NOS1: variants seen among roughly 807,000 people sequenced by gnomAD.
NOS1 encodes nitric oxide synthase 1, also known as NOS type I.
Under a neutral mutation model 164.5 loss-of-function variants are expected in NOS1, and 51 were observed. That is an observed-to-expected ratio of 0.31 (90% CI 0.25 to 0.39). The LOEUF is 0.39. NOS1 is among the 10% of genes least tolerant of loss of function. NOS1 has a pLI of 1.00. For missense variants in NOS1, 1,362 were observed against 1,885.6 expected (o/e 0.72, Z 5.14); for synonymous variants, 719 against 745.8 (o/e 0.96, Z 0.59).
At chr12:117,251,611 T>C (rs543065150) in intron 17 of NOS1, among the ~76,000 whole-genome samples, 1 of 130,450 alleles carries the variant, frequency 7.7e-6, no homozygotes, top group South Asian at 2.4e-4. Context: ...TTTTTTTTTT[T>C]GTAGACACAG....
At chr12:117,281,079 G>C (rs977284343) in intron 7 of NOS1, among the ~76,000 whole-genome samples, 8 of 152,150 alleles carry the variant, frequency 5.3e-5, no homozygotes, top group Non-Finnish European at 1.2e-4. Context: ...AACGGTGGAG[G>C]GGGTGGGAGC....
intron 25 of NOS1, among the ~76,000 whole-genome samples, chr12:117,223,354 C>A (rs946463473): frequency 1.3e-5 from 2 of 151,602 alleles, no homozygotes; most frequent in African/African-American, 4.9e-5. Context: ...CTCCACCTCC[C>A]GGGTTCAATC....
rs771260551 is a variant in NOS1, at chr12:117,259,038, A to G, written c.2460T>C (p.Pro820=). The G allele has an allele frequency of 2.5e-6, 4 of 1,612,924 alleles. No individual in the cohort carries two copies. The highest frequency in any genetic ancestry group is 3.4e-6 in the Non-Finnish European group (4 of 1,178,944). Residue 820 remains proline, a synonymous_variant, in exon 15 of 29, where the codon CCT becomes CCC. Coordinates refer to ENST00000317775, the MANE Select transcript of NOS1 (RefSeq NM_000620.5). ...AAGCTCATCTCACCTCCCCATTCTCAGGGGGATCTCCATTGCCAAAGGTGC... is the reference window on the plus strand; with the variant it reads ...AAGCTCATCTCACCTCCCCATTCTCGGGGGGATCTCCATTGCCAAAGGTGC... The part of the protein sequence containing the change: ...VTSTFGNGDP[P]ENGEKFGCAL...
intron 10 of NOS1, among the ~76,000 whole-genome samples, chr12:117,268,570 T>G: frequency 6.9e-6 from 1 of 144,566 alleles, no homozygotes; most frequent in East Asian, 2.1e-4. Flanking sequence ...ATTCACAGAC[T>G]AATGAACTCA....
At chr12:117,333,037 G>A (rs923062301) in intron 1 of NOS1, among the ~76,000 whole-genome samples, 14 of 152,210 alleles carry the variant, frequency 9.2e-5, no homozygotes, top group African/African-American at 3.4e-4. Flanking sequence ...TGTGGCCCAG[G>A]TGAGGGGCAA....
chr12:117,359,634 C>T (rs529589698), intron 1 of NOS1, among the ~76,000 whole-genome samples: 9 of 152,088 alleles, frequency 5.9e-5, no homozygotes, highest in African/African-American at 1.7e-4. Context: ...ACCCTCCCTC[C>T]GTGGTGGCTG....
intron 20 of NOS1, among the ~76,000 whole-genome samples, chr12:117,237,468 G>C (rs144185961): frequency 6.6e-6 from 1 of 151,896 alleles, no homozygotes; most frequent in East Asian, 1.9e-4. Context: ...GACACATATG[G>C]GCCATATGAG....
At chr12:117,254,063 C>T (rs1315412574) in intron 16 of NOS1, among the ~76,000 whole-genome samples, 1 of 152,094 alleles carries the variant, frequency 6.6e-6, no homozygotes, top group Non-Finnish European at 1.5e-5. Context: ...ACAGAACTAA[C>T]TACTCCCCTA....
chr12:117,251,102 T>C (rs1871069289), intron 17 of NOS1, among the ~76,000 whole-genome samples: 1 of 152,120 alleles, frequency 6.6e-6, no homozygotes, highest in East Asian at 1.9e-4. Context: ...TTAGTGCCTC[T>C]TAAGGGGCTG....
chr12:117,255,633 T>C lies in NOS1; in HGVS notation c.2532-1879A>G, dbSNP rs139118487. On this transcript the variant is annotated intron_variant, in intron 16 of 28. Transcript: ENST00000317775. ...GGTTGTGGGTAAAAATAACAGCACG[T>C]GCATTTGTATGAGGTTGGAGGTTTT... Among the ~76,000 whole-genome samples the C allele has an allele frequency of 1.9e-3, 282 of 152,348 alleles. 2 individuals carry two copies. The highest frequency in any genetic ancestry group is 6.4e-3 in the African/African-American group (268 of 41,582).
chr12:117,353,004 TCATCTATCTATCCATCCATCCATC>T lies in NOS1; in HGVS notation c.-421+8484_-421+8507del, dbSNP rs1334824540. Among the ~76,000 whole-genome samples, 3 of 152,120 alleles carry T rather than the reference TCATCTATCTATCCATCCATCCATC, an allele frequency of 2.0e-5. No individual in the cohort carries two copies. The East Asian group carries it at 5.8e-4, about 29-fold the overall frequency. ...CTACCTACTTGTCTTTCTCTATCAG[TCATCTATCTATCCATCCATCCATC>T]CATCTATCCATCCATCCATCCATCC... On this transcript the variant is annotated intron_variant, in intron 1 of 28. Transcript: ENST00000317775.
chr12:117,233,034 C>CTTTTTTTTT (rs34474757), intron 21 of NOS1, among the ~76,000 whole-genome samples: 2 of 88,368 alleles, frequency 2.3e-5, no homozygotes, highest in Non-Finnish European at 4.0e-5. Flanking sequence ...TGCCTCACTA[C>CTTTTTTTTT]TTTTTTTTTT....
At chr12:117,340,613 T>G (rs964538520) in intron 1 of NOS1, among the ~76,000 whole-genome samples, 3 of 152,196 alleles carry the variant, frequency 2.0e-5, no homozygotes, top group African/African-American at 7.2e-5. Flanking sequence ...CGCTGCAACC[T>G]CTGCCTCCCA....
chr12:117,222,984 C>T (rs563400296), intron 25 of NOS1, 121 bp from the exon 26 acceptor site: 2 of 1,145,118 alleles, frequency 1.7e-6, no homozygotes, highest in South Asian at 1.5e-5. Flanking sequence ...GGCTCACAAA[C>T]ACTAGGACAG....
At chr12:117,241,067 G>A (rs1166399120) in intron 20 of NOS1, among the ~76,000 whole-genome samples, 1 of 151,644 alleles carries the variant, frequency 6.6e-6, no homozygotes, top group South Asian at 2.1e-4. Context: ...AGCCTCCTGA[G>A]TAGCTGGGAT....
At chr12:117,257,024 A>G (rs1191408651) in intron 16 of NOS1, among the ~76,000 whole-genome samples, 1 of 152,054 alleles carries the variant, frequency 6.6e-6, no homozygotes. Flanking sequence ...GTGAGCTGAG[A>G]TCGTGCCATT....
chr12:117,256,284 G>GTTGTTTTTTTTTTT (rs549611283), intron 16 of NOS1, among the ~76,000 whole-genome samples: 13 of 118,448 alleles, frequency 1.1e-4, no homozygotes, highest in Middle Eastern at 4.3e-3. Flanking sequence ...GGGATTTTCT[G>GTTGTTTTTTTTTTT]TTTTTTTTTT....
intron 3 of NOS1, among the ~76,000 whole-genome samples, chr12:117,299,985 T>C (rs1194551529): frequency 6.6e-6 from 1 of 152,184 alleles, no homozygotes; most frequent in Admixed American, 6.6e-5. Flanking sequence ...TGCCCTATGA[T>C]ACCGCATCAT....
chr12:117,305,694 G>A (rs182347012), intron 3 of NOS1, among the ~76,000 whole-genome samples: 232 of 152,184 alleles, frequency 1.5e-3, no homozygotes, highest in Middle Eastern at 6.8e-3. Flanking sequence ...ATATCTGAGC[G>A]CTAGGGTCTC....
Sources: gnomAD v4.1 joint callset for allele counts (sites outside exome capture counted in the v4.1 genomes callset) on GRCh38, gnomAD v4.1.1 for gene constraint, MANE v1.5 for transcripts, NCBI Gene and HGNC (gene_info 2026-07-23, HGNC 2026-07-21) for gene names.